ZDHHC2: variants seen among roughly 807,000 people sequenced by gnomAD.
ZDHHC2 encodes zDHHC palmitoyltransferase 2.
ZDHHC2 carries 51 observed loss-of-function variants against 55.6 expected under a neutral mutation model. That is an observed-to-expected ratio of 0.92 (90% CI 0.73 to 1.16). ZDHHC2 has a LOEUF of 1.16. ZDHHC2 is among the 50% of genes most tolerant of loss of function. The probability of loss-of-function intolerance (pLI) is 0.00; values close to 1 mark genes in which losing one functional copy is unlikely to be tolerated. For synonymous variants in ZDHHC2, 199 were observed against 152.9 expected, an observed-to-expected ratio of 1.30 and a Z score of -2.22; for missense variants, 491 against 442.4, an observed-to-expected ratio of 1.11 and a Z score of -0.99.
At chr8:17,209,083 T>A (rs1044115669) in intron 8 of ZDHHC2, among the ~76,000 whole-genome samples, 1 of 152,170 alleles carries the variant, frequency 6.6e-6, no homozygotes, top group Non-Finnish European at 1.5e-5. Context: ...TTCAGCATGA[T>A]TCAAGAAGAA....
chr8:17,160,706 T>C (rs1363581069), intron 1 of ZDHHC2, among the ~76,000 whole-genome samples: 4 of 152,250 alleles, frequency 2.6e-5, no homozygotes, highest in Admixed American at 2.6e-4. Context: ...CAACAGTCTT[T>C]ACACAATTTT....
At chr8:17,199,588 C>CG (rs1806597857) in intron 6 of ZDHHC2, among the ~76,000 whole-genome samples, 5 of 34,152 alleles carry the variant, frequency 1.5e-4, no homozygotes, top group African/African-American at 2.2e-4. Flanking sequence ...TCTTCTTCTT[C>CG]TTTCTTCTTC....
rs1211418529 is a variant in ZDHHC2, at chr8:17,156,702, G to A, written c.-22G>A. 2.8e-6 allele frequency: 4 copies of A among 1,434,810 alleles called. No homozygotes were observed. Among genetic ancestry groups the A allele is most frequent in the Admixed American group, 4.9e-5 (2 of 40,778 alleles). The allele number at this position is 1,434,810 out of a possible 1,614,324, so 88.9% of individuals were successfully genotyped here. A position where few individuals can be genotyped will look rare whatever the true frequency, so the allele number is the denominator to read the frequency against. On this transcript the variant is annotated 5_prime_UTR_variant, in exon 1 of 13. Coordinates refer to ENST00000262096, the MANE Select transcript of ZDHHC2 (RefSeq NM_016353.5). ...AGGCCCGCGGGCGGCGGCGGAGCTGGGCAGGTGGATGCGGCTGGAAGATGG... is the reference window on the plus strand; with the variant it reads ...AGGCCCGCGGGCGGCGGCGGAGCTGAGCAGGTGGATGCGGCTGGAAGATGG...
chr8:17,188,363 C>A (rs928830757), intron 3 of ZDHHC2, among the ~76,000 whole-genome samples: 10 of 121,234 alleles, frequency 8.2e-5, no homozygotes, highest in Non-Finnish European at 1.9e-4. Context: ...TCAGTCTCTT[C>A]TGCCTAGCAA....
rs1585752420 is a variant in ZDHHC2 at position 17,220,451 on chromosome 8, A to AT, written c.*230_*231insT. ...ACACAAATTCCTATTAAATATTAAA[A>AT]GTAGTTCTGGTTTATTAATCAACGG... On this transcript the variant is annotated 3_prime_UTR_variant, in exon 13 of 13. Transcript: ENST00000262096. The AT allele has an allele frequency of 2.0e-5, 3 of 152,234 alleles. No homozygotes were observed. In the East Asian group the frequency reaches 5.8e-4, roughly 29 times the overall value. The allele number at this position is 152,234 out of a possible 1,614,324, so 9.4% of individuals were successfully genotyped here.
rs564495570 is a variant in ZDHHC2, at chr8:17,200,533, T to C, written c.476+2120T>C. ...TTTGTCTGACCTTAATAAGGGATTGTGATGACAAGGAATGGAGAGGTGGAA... is the reference window on the plus strand; with the variant it reads ...TTTGTCTGACCTTAATAAGGGATTGCGATGACAAGGAATGGAGAGGTGGAA... On this transcript the variant is annotated intron_variant, in intron 6 of 12. Transcript: ENST00000262096. Among the ~76,000 whole-genome samples the C allele has an allele frequency of 2.6e-5, 4 of 152,262 alleles. No homozygotes were observed. The East Asian group carries it at 7.7e-4, about 29-fold the overall frequency.
At chr8:17,214,178 G>A (rs1261982437) in intron 10 of ZDHHC2, among the ~76,000 whole-genome samples, 1 of 152,066 alleles carries the variant, frequency 6.6e-6, no homozygotes, top group African/African-American at 2.4e-5. Context: ...TGTTTCCTAA[G>A]TGAAATATTT....
chr8:17,157,663 T>C (rs1387144288), intron 1 of ZDHHC2: 1 of 152,228 alleles, frequency 6.6e-6, no homozygotes, highest in Non-Finnish European at 1.5e-5. Flanking sequence ...TGTCGCTTAA[T>C]GTAAGCTGGT....
chr8:17,193,632 G>C (rs1168176877), intron 3 of ZDHHC2, among the ~76,000 whole-genome samples: 1 of 152,256 alleles, frequency 6.6e-6, no homozygotes, highest in Non-Finnish European at 1.5e-5. Context: ...AGGGTAGAGA[G>C]TTTGCTCCGG....
At chr8:17,176,553 A>C (rs144682207) in intron 1 of ZDHHC2, among the ~76,000 whole-genome samples, 1 of 152,088 alleles carries the variant, frequency 6.6e-6, no homozygotes, top group East Asian at 1.9e-4. Flanking sequence ...TAAACAGTAA[A>C]ATTAAAGCGC....
intron 6 of ZDHHC2, 110 bp downstream of exon 6, chr8:17,198,523 T>C: frequency 2.0e-6 from 2 of 1,008,454 alleles, no homozygotes; most frequent in Middle Eastern, 2.2e-4. Context: ...TGAGTTGACA[T>C]AGCAGGAACT....
chr8:17,159,201 C>T (rs1286066994), intron 1 of ZDHHC2, among the ~76,000 whole-genome samples: 1 of 152,130 alleles, frequency 6.6e-6, no homozygotes, highest in African/African-American at 2.4e-5. Context: ...ATGGAAATAC[C>T]AGCCCCCACC....
At chr8:17,201,479 CTCTTTTTTTTTTTT>C (rs1450581652) in intron 6 of ZDHHC2, among the ~76,000 whole-genome samples, 7 of 88,194 alleles carry the variant, frequency 7.9e-5, no homozygotes, top group Admixed American at 1.6e-4. Context: ...CTCTCTCTCT[CTCTTTTTTTTTTTT>C]TTTTTTTTTT....
chr8:17,182,850 C>T (rs748520856), intron 1 of ZDHHC2, among the ~76,000 whole-genome samples: 5 of 152,146 alleles, frequency 3.3e-5, no homozygotes, highest in Non-Finnish European at 5.9e-5. Flanking sequence ...CAACCTCTGC[C>T]TCCCGGGTTC....
intron 1 of ZDHHC2, among the ~76,000 whole-genome samples, chr8:17,171,572 A>G (rs1296837377): frequency 6.6e-6 from 1 of 152,134 alleles, no homozygotes; most frequent in Non-Finnish European, 1.5e-5. Context: ...AAATACAAAC[A>G]TTCCGTGAAT....
At chr8:17,197,753 C>T (rs1054852748) in intron 5 of ZDHHC2, 102 bp downstream of exon 5, 40 of 1,256,178 alleles carry the variant, frequency 3.2e-5, no homozygotes, top group East Asian at 4.7e-5. Context: ...TCCATATTCT[C>T]GCTTCTCAGC....
At chr8:17,199,506 T>G (rs868784777) in intron 6 of ZDHHC2, among the ~76,000 whole-genome samples, 5,717 of 42,528 alleles carry the variant, frequency 0.13, 339 homozygotes, top group Middle Eastern at 0.27. Context: ...CTTCTTCTTC[T>G]TCTTCTTCGT....
intron 6 of ZDHHC2, among the ~76,000 whole-genome samples, chr8:17,202,488 C>T (rs1806841381): frequency 6.6e-6 from 1 of 152,140 alleles, no homozygotes; most frequent in African/African-American, 2.4e-5. Flanking sequence ...GGGCCAACAG[C>T]TGTGTTTTAC....
chr8:17,207,991 A>G lies in ZDHHC2; in HGVS notation c.629A>G (p.His210Arg). The G allele has an allele frequency of 1.9e-6, 3 of 1,587,762 alleles. No individual in the cohort carries two copies. The highest frequency in any genetic ancestry group is 2.6e-6 in the Non-Finnish European group (3 of 1,166,356). ...NGLPDTQAKF[H>R]IMFLFFAAAM... ...CTACCTGATACTCAAGCCAAGTTCC[A>G]TATTATGTTTTTATTCTTTGCTGCA... The change falls in exon 8 of 13, where the codon CAT (histidine) becomes CGT (arginine). Residue 210 changes from histidine to arginine, a missense_variant. Transcript: ENST00000262096.
Sources: gnomAD v4.1 joint callset for allele counts (sites outside exome capture counted in the v4.1 genomes callset) on GRCh38, gnomAD v4.1.1 for gene constraint, MANE v1.5 for transcripts, NCBI Gene and HGNC (gene_info 2026-07-23, HGNC 2026-07-21) for gene names.